CNTNAP3B: variants seen among roughly 807,000 people sequenced by gnomAD.
The protein encoded by CNTNAP3B is contactin-associated protein-like 3B.
A neutral mutation model predicts 108.9 loss-of-function variants in CNTNAP3B; 25 were observed. The observed-to-expected ratio is 0.23, with a 90% CI of 0.17 to 0.32. The LOEUF (loss-of-function observed/expected upper bound fraction) is 0.32, where lower values mean the gene tolerates loss of function less well. Among genes scored for constraint, CNTNAP3B ranks in the 10% least tolerant of loss-of-function variants. The pLI is 1.00. For missense variants in CNTNAP3B, 252 were observed against 1,210.4 expected (o/e 0.21, Z 11.75); for synonymous variants, 103 against 473.4 (o/e 0.22, Z 10.16).
chr9:41,940,409 T>A (rs1179035311), intron 13 of CNTNAP3B, among the ~76,000 whole-genome samples: 1 of 152,424 alleles, frequency 6.6e-6, no homozygotes, highest in East Asian at 1.9e-4. Flanking sequence ...AGATTACTCA[T>A]CTGAAATTAC....
chr9:42,036,481 C>T (rs1826633945), intron 3 of CNTNAP3B, among the ~76,000 whole-genome samples: 1 of 138,336 alleles, frequency 7.2e-6, no homozygotes, highest in Admixed American at 7.2e-5. Flanking sequence ...AACTGCAAGG[C>T]AGCAGCGAGA....
chr9:41,950,829 C>G (rs1824654976), intron 13 of CNTNAP3B, among the ~76,000 whole-genome samples: 1 of 139,714 alleles, frequency 7.2e-6, no homozygotes, highest in Non-Finnish European at 1.5e-5. Context: ...GGCGCCATCT[C>G]GGCTCACTGC....
At chr9:42,042,159 C>G (rs951326299) in intron 3 of CNTNAP3B, among the ~76,000 whole-genome samples, 1 of 138,656 alleles carries the variant, frequency 7.2e-6, no homozygotes, top group Non-Finnish European at 1.6e-5. Flanking sequence ...TGCAGCACAC[C>G]AACATGGCAC....
chr9:42,026,775 C>T lies in CNTNAP3B; in HGVS notation c.391-13250G>A, dbSNP rs1410231166. 9.6e-5 allele frequency among the ~76,000 whole-genome samples: 13 copies of T among 135,878 alleles called. 2 individuals are homozygous for T. The highest frequency in any genetic ancestry group is 2.3e-4 in the East Asian group (1 of 4,442). 89.1% of individuals were successfully genotyped at this position (135,878 alleles called of 152,430 possible). A position where few individuals can be genotyped will look rare whatever the true frequency, so the allele number is the denominator to read the frequency against. ...TCCTGAATCATATAGGACCTGTGAGCCTGTATTACACATTTTGCTCAATAA... is the reference window on the plus strand; with the variant it reads ...TCCTGAATCATATAGGACCTGTGAGTCTGTATTACACATTTTGCTCAATAA... On this transcript the variant is annotated intron_variant, in intron 3 of 23. Transcript: ENST00000377561.
At chr9:42,087,621 T>C (rs1170321943) in intron 2 of CNTNAP3B, among the ~76,000 whole-genome samples, 4 of 143,972 alleles carry the variant, frequency 2.8e-5, no homozygotes, top group South Asian at 2.3e-4. Context: ...ATGAGTAATA[T>C]AGTTCACAGG....
chr9:42,026,543 C>T (rs1392172954), intron 3 of CNTNAP3B, among the ~76,000 whole-genome samples: 1 of 94,558 alleles, frequency 1.1e-5, no homozygotes, highest in Non-Finnish European at 2.2e-5. Flanking sequence ...GCCCAGATGG[C>T]TCCACGGCAC....
At chr9:41,965,810 AG>A (rs1414250846) in intron 10 of CNTNAP3B, among the ~76,000 whole-genome samples, 1 of 151,748 alleles carries the variant, frequency 6.6e-6, no homozygotes, top group African/African-American at 2.4e-5. Flanking sequence ...GTTGACAGAA[AG>A]CCCCAGGGGC....
intron 13 of CNTNAP3B, among the ~76,000 whole-genome samples, chr9:41,945,814 C>T (rs1411908666): frequency 6.6e-6 from 1 of 152,218 alleles, no homozygotes; most frequent in Non-Finnish European, 1.5e-5. Flanking sequence ...AACAACAAAA[C>T]CCATGATCCA....
chr9:42,046,723 G>T (rs1392193411), intron 3 of CNTNAP3B, among the ~76,000 whole-genome samples: 2 of 96,530 alleles, frequency 2.1e-5, no homozygotes, highest in Non-Finnish European at 4.4e-5. Context: ...TTCTCCCAGA[G>T]TTAAATGTTG....
intron 9 of CNTNAP3B, among the ~76,000 whole-genome samples, chr9:41,972,649 A>G (rs1306589755): frequency 7.3e-6 from 1 of 136,656 alleles, no homozygotes; most frequent in Non-Finnish European, 1.6e-5. Flanking sequence ...TTAACATTTA[A>G]CACCATATTT....
rs1416000038 is a variant in CNTNAP3B at position 42,029,604 on chromosome 9, C to T, written c.391-16079G>A. ...GGAGTGCAGTGGTGCAGTCTCGGCT[C>T]ACCACAACCTCTGCCTCCTGGGTTC... On this transcript the variant is annotated intron_variant, in intron 3 of 23. Coordinates refer to ENST00000377561, the MANE Select transcript of CNTNAP3B (RefSeq NM_001201380.3). Among the ~76,000 whole-genome samples, 10 of 121,454 alleles carry T rather than the reference C, an allele frequency of 8.2e-5. 1 individual carries two copies. The highest frequency in any genetic ancestry group is 1.7e-4 in the African/African-American group (5 of 28,826). The allele number at this position is 121,454 out of a possible 152,430, so 79.7% of individuals were successfully genotyped here. A position where few individuals can be genotyped will look rare whatever the true frequency, so the allele number is the denominator to read the frequency against.
intron 15 of CNTNAP3B, among the ~76,000 whole-genome samples, chr9:41,927,505 G>A (rs1452254496): frequency 2.6e-5 from 4 of 151,754 alleles, no homozygotes; most frequent in African/African-American, 7.3e-5. Flanking sequence ...ATAAAAGCCA[G>A]ACTGAATGGG....
intron 15 of CNTNAP3B, among the ~76,000 whole-genome samples, chr9:41,926,367 G>T (rs1823819189): frequency 6.6e-6 from 1 of 152,302 alleles, no homozygotes; most frequent in Non-Finnish European, 1.5e-5. Flanking sequence ...AAAGAAAACA[G>T]AGATGAAGAT....
At chr9:41,950,294 A>G (rs202197960) in intron 13 of CNTNAP3B, among the ~76,000 whole-genome samples, 11,340 of 68,198 alleles carry the variant, frequency 0.17, 145 homozygotes, top group East Asian at 0.28. Context: ...GTTGGTGGGA[A>G]TGGTACAACC....
At chr9:41,935,195 AG>A (rs1824119554) in intron 14 of CNTNAP3B, among the ~76,000 whole-genome samples, 1 of 152,300 alleles carries the variant, frequency 6.6e-6, no homozygotes, top group Admixed American at 6.5e-5. Context: ...GTTATTTGAT[AG>A]AATATTCTTA....
At chr9:41,943,345 A>ATTTTTTTTT (rs1165684239) in intron 13 of CNTNAP3B, among the ~76,000 whole-genome samples, 1 of 132,558 alleles carries the variant, frequency 7.5e-6, no homozygotes, top group Non-Finnish European at 1.6e-5. Flanking sequence ...TTGGACAATA[A>ATTTTTTTTT]TTTTTTTTTT....
chr9:42,127,666 C>G (rs1334622048), intron 1 of CNTNAP3B, among the ~76,000 whole-genome samples: 2 of 139,856 alleles, frequency 1.4e-5, no homozygotes, highest in Non-Finnish European at 3.1e-5. Context: ...AGCCCTCTCA[C>G]AAAAGCAGAT....
intron 13 of CNTNAP3B, among the ~76,000 whole-genome samples, chr9:41,952,200 C>T: frequency 6.6e-6 from 1 of 152,332 alleles, no homozygotes; most frequent in Middle Eastern, 3.4e-3. Context: ...CACCACTTTC[C>T]AACTTAAAGA....
At chr9:41,968,835 TTGCCCAGTCTGGAG>T (rs1299891478) in intron 10 of CNTNAP3B, among the ~76,000 whole-genome samples, 39 of 151,230 alleles carry the variant, frequency 2.6e-4, no homozygotes, top group South Asian at 2.1e-4. Flanking sequence ...TCTGGCTCTG[TTGCCCAGTCTGGAG>T]TGCAGTGGCA....
Sources: allele counts gnomAD v4.1 joint callset (sites outside exome capture counted in the v4.1 genomes callset), GRCh38; gene constraint gnomAD v4.1.1; transcripts MANE v1.5; gene names NCBI Gene and HGNC (gene_info 2026-07-23, HGNC 2026-07-21).